Variants in AFF3 observed in about 807,000 individuals in gnomAD.
AFF3 encodes the protein ALF transcription elongation factor 3.
Under a neutral mutation model 129.7 loss-of-function variants are expected in AFF3, and 32 were observed. The observed-to-expected ratio is 0.25, with a 90% CI of 0.19 to 0.33. The LOEUF is 0.33. Ranked by LOEUF, AFF3 falls within the 10% of genes least tolerant of loss-of-function variation. The pLI is 1.00. For synonymous variants in AFF3, 644 were observed against 635.4 expected (o/e 1.01, Z -0.20); for missense variants, 1,373 against 1,592.0 (o/e 0.86, Z 2.34).
intron 1 of AFF3, among the ~76,000 whole-genome samples, chr2:100,132,858 T>C (rs1692478621): frequency 6.6e-6 from 1 of 151,984 alleles, no homozygotes; most frequent in South Asian, 2.1e-4. Context: ...TTTAAAAAAT[T>C]GAATGATGCT....
Position 99,725,964 on chromosome 2 carries a change from C to T in AFF3, c.1091+1113G>A, listed in dbSNP as rs550399420. Among the ~76,000 whole-genome samples the T allele has an allele frequency of 4.6e-5, 7 of 152,280 alleles. No homozygotes were observed. In the South Asian group the frequency reaches 1.0e-3, roughly 23 times the overall value. ...AAGAACTGAATTTTCAATGATTCTA[C>T]CCTTTTCAGTTCTCTAGAATGCCTC... is the stretch of plus-strand genomic sequence containing the variant. On this transcript the variant is annotated intron_variant, in intron 11 of 24. Transcript: ENST00000672756.
chr2:99,869,596 C>T (rs1691711252), intron 7 of AFF3, among the ~76,000 whole-genome samples: 1 of 152,162 alleles, frequency 6.6e-6, no homozygotes, highest in African/African-American at 2.4e-5. Context: ...CTCAAACATG[C>T]CCATTTATCT....
intron 7 of AFF3, among the ~76,000 whole-genome samples, chr2:100,001,533 A>T (rs1681417411): frequency 6.6e-6 from 1 of 152,160 alleles, no homozygotes; most frequent in South Asian, 2.1e-4. Flanking sequence ...AGTTCAGGCA[A>T]TTCTTCTGCC....
At chr2:99,650,418 G>A (rs566400622) in intron 12 of AFF3, among the ~76,000 whole-genome samples, 5 of 152,058 alleles carry the variant, frequency 3.3e-5, no homozygotes, top group Non-Finnish European at 7.4e-5. Flanking sequence ...AATTAGCTGG[G>A]TGTGGTGGCA....
chr2:99,816,048 T>C (rs1334891157), intron 8 of AFF3, among the ~76,000 whole-genome samples: 1 of 152,126 alleles, frequency 6.6e-6, no homozygotes, highest in Non-Finnish European at 1.5e-5. Flanking sequence ...TTCTTTTTTT[T>C]TTTTTTTAAA....
At chr2:99,622,352 A>G (rs1489381592) in intron 13 of AFF3, among the ~76,000 whole-genome samples, 1 of 152,166 alleles carries the variant, frequency 6.6e-6, no homozygotes, top group East Asian at 1.9e-4. Flanking sequence ...CCACGAACAC[A>G]TTTTATTCAA....
At chr2:99,871,613 T>C (rs1184296071) in intron 7 of AFF3, among the ~76,000 whole-genome samples, 2 of 151,908 alleles carry the variant, frequency 1.3e-5, no homozygotes, top group Non-Finnish European at 2.9e-5. Context: ...ACATGGAAAA[T>C]ATATTTTGAG....
At chr2:99,881,421 A>G (rs1214688330) in intron 7 of AFF3, among the ~76,000 whole-genome samples, 1 of 148,798 alleles carries the variant, frequency 6.7e-6, no homozygotes, top group Non-Finnish European at 1.5e-5. Flanking sequence ...AAAAAAAAAA[A>G]GCTAGGTGTT....
At chr2:99,616,130 C>T (rs947434972) in intron 13 of AFF3, among the ~76,000 whole-genome samples, 3 of 152,188 alleles carry the variant, frequency 2.0e-5, no homozygotes, top group African/African-American at 7.2e-5. Context: ...CTGTGAGGAA[C>T]ACCTCTTTTA....
At chr2:99,722,626 C>T (rs764699296) in intron 11 of AFF3, among the ~76,000 whole-genome samples, 7 of 152,198 alleles carry the variant, frequency 4.6e-5, no homozygotes, top group Admixed American at 2.0e-4. Context: ...AGGCAGTAGG[C>T]AGCAGCTGAA....
At chr2:100,042,020 A>G (rs972327496) in intron 4 of AFF3, among the ~76,000 whole-genome samples, 1 of 152,002 alleles carries the variant, frequency 6.6e-6, no homozygotes. Context: ...ATCGCCTCCA[A>G]GGCTCTCTGA....
rs765417882 is a variant in AFF3, at chr2:99,549,562, G to T, written c.*1912C>A. Reference sequence around the variant, plus strand: ...ATCGTGCCACTGCACTCCAGCCTGGGCAACAGAGCGAAACTCGTCTCAAAA... The same window carrying T: ...ATCGTGCCACTGCACTCCAGCCTGGTCAACAGAGCGAAACTCGTCTCAAAA... On this transcript the variant is annotated 3_prime_UTR_variant, in exon 25 of 25. Coordinates refer to ENST00000672756, the MANE Select transcript of AFF3 (RefSeq NM_001386135.1). 1 of 188,358 alleles carries T rather than the reference G, an allele frequency of 5.3e-6. No homozygotes were observed. Among genetic ancestry groups the T allele is most frequent in the Non-Finnish European group, 1.1e-5 (1 of 89,538 alleles). 11.7% of individuals were successfully genotyped at this position (188,358 alleles called of 1,614,324 possible).
At chr2:100,002,201 A>G (rs943160531) in intron 7 of AFF3, among the ~76,000 whole-genome samples, 2 of 152,216 alleles carry the variant, frequency 1.3e-5, no homozygotes, top group African/African-American at 4.8e-5. Flanking sequence ...ACTGGCATGA[A>G]TATGTAATGT....
At chr2:99,867,371 G>A (rs1311265153) in intron 7 of AFF3, among the ~76,000 whole-genome samples, 1 of 152,002 alleles carries the variant, frequency 6.6e-6, no homozygotes, top group Non-Finnish European at 1.5e-5. Context: ...GAGATAAGGC[G>A]GCTCTCCCCT....
intron 8 of AFF3, among the ~76,000 whole-genome samples, chr2:99,769,705 G>T (rs1173329168): frequency 6.6e-6 from 1 of 152,190 alleles, no homozygotes. Flanking sequence ...GCATTAGGGG[G>T]CACCCCAAGT....
chr2:99,671,397 C>T (rs1687131710), intron 12 of AFF3, among the ~76,000 whole-genome samples: 1 of 152,212 alleles, frequency 6.6e-6, no homozygotes, highest in Admixed American at 6.5e-5. Context: ...GTATTCTCCA[C>T]CTGCCAATCT....
intron 8 of AFF3, among the ~76,000 whole-genome samples, chr2:99,792,914 C>A (rs1685298823): frequency 6.6e-6 from 1 of 152,154 alleles, no homozygotes. Context: ...GGACATGTTT[C>A]CTCCTCATTT....
intron 17 of AFF3, among the ~76,000 whole-genome samples, chr2:99,581,905 A>C (rs1236184160): frequency 7.6e-6 from 1 of 132,114 alleles, no homozygotes; most frequent in Non-Finnish European, 1.5e-5. Flanking sequence ...CCCAGGCTGG[A>C]GTGCAGTGCC....
intron 11 of AFF3, among the ~76,000 whole-genome samples, chr2:99,680,446 G>A (rs867625943): frequency 7.2e-5 from 11 of 152,190 alleles, no homozygotes; most frequent in African/African-American, 2.2e-4. Flanking sequence ...CAGAGGACAG[G>A]TCAGAGGATT....
Sources: gnomAD v4.1 joint callset for allele counts (sites outside exome capture counted in the v4.1 genomes callset) on GRCh38, gnomAD v4.1.1 for gene constraint, MANE v1.5 for transcripts, NCBI Gene and HGNC (gene_info 2026-07-23, HGNC 2026-07-21) for gene names.